RGS6: variants seen among roughly 807,000 people sequenced by gnomAD.
The protein encoded by RGS6 is regulator of G protein signaling 6.
RGS6 carries 30 observed loss-of-function variants against 78.5 expected under a neutral mutation model. The ratio of observed to expected loss-of-function variants is 0.38; its 90% CI spans 0.29 to 0.52. The LOEUF is 0.52. Among genes scored for constraint, RGS6 ranks in the 20% least tolerant of loss-of-function variants. The pLI is 0.85. For synonymous variants in RGS6, 206 were observed against 206.0 expected (o/e 1.00, Z 0.00); for missense variants, 495 against 609.7 (o/e 0.81, Z 1.98).
chr14:72,546,828 C>A (rs1385747304), intron 17 of RGS6, among the ~76,000 whole-genome samples: 1 of 152,238 alleles, frequency 6.6e-6, no homozygotes, highest in Admixed American at 6.5e-5. Flanking sequence ...TCTAGCAAGG[C>A]AGGCTGGGGG....
chr14:72,443,253 G>T (rs189576102), intron 3 of RGS6, among the ~76,000 whole-genome samples: 2 of 152,276 alleles, frequency 1.3e-5, no homozygotes, highest in Non-Finnish European at 2.9e-5. Flanking sequence ...TAGACTCTAG[G>T]GCTGGCCCCA....
At chr14:72,156,728 A>T (rs779289113) in intron 2 of RGS6, among the ~76,000 whole-genome samples, 17 of 152,206 alleles carry the variant, frequency 1.1e-4, no homozygotes, top group Non-Finnish European at 2.2e-4. Context: ...AGGAAGTTGA[A>T]CAAAAAGCTA....
chr14:72,385,862 C>A (rs548098068), intron 3 of RGS6, among the ~76,000 whole-genome samples: 1 of 152,300 alleles, frequency 6.6e-6, no homozygotes, highest in African/African-American at 2.4e-5. Context: ...TAGCCCAAAT[C>A]TAGTTGCAAT....
At chr14:72,044,528 C>A (rs557577189) in intron 2 of RGS6, among the ~76,000 whole-genome samples, 1 of 152,162 alleles carries the variant, frequency 6.6e-6, no homozygotes, top group Non-Finnish European at 1.5e-5. Flanking sequence ...CTCTCTCCCT[C>A]CCTTCTAGAG....
chr14:71,982,634 A>G (rs3784056), intron 2 of RGS6, among the ~76,000 whole-genome samples: 21,405 of 152,080 alleles, frequency 0.14, 1,786 homozygotes, highest in East Asian at 0.21. Flanking sequence ...TTTAAACTCT[A>G]TGACACTGCC....
At chr14:72,016,254 T>C (rs1049874117) in intron 2 of RGS6, among the ~76,000 whole-genome samples, 6 of 152,242 alleles carry the variant, frequency 3.9e-5, no homozygotes, top group African/African-American at 1.2e-4. Flanking sequence ...TCTTTTTCCA[T>C]ATGGATGTCC....
At chr14:72,252,028 A>G (rs2153837532) in intron 2 of RGS6, among the ~76,000 whole-genome samples, 1 of 152,342 alleles carries the variant, frequency 6.6e-6, no homozygotes, top group South Asian at 2.1e-4. Context: ...CATTGGAGTG[A>G]AGACTCTGAA....
At chr14:71,869,711 A>G in the RGS6 span, among the ~76,000 whole-genome samples, 1 of 152,198 alleles carries the variant, frequency 6.6e-6, no homozygotes, top group Non-Finnish European at 1.5e-5. Context: ...TCAAAACTTG[A>G]CACAATATAG....
At chr14:71,977,521 T>A (rs1347417773) in intron 2 of RGS6, among the ~76,000 whole-genome samples, 1 of 149,616 alleles carries the variant, frequency 6.7e-6, no homozygotes, top group African/African-American at 2.5e-5. Context: ...AAATAGGGAA[T>A]CCTTTCTCCA....
intron 3 of RGS6, among the ~76,000 whole-genome samples, chr14:72,410,686 G>A (rs1314754131): frequency 6.6e-6 from 1 of 152,154 alleles, no homozygotes; most frequent in African/African-American, 2.4e-5. Flanking sequence ...TTCTTGTAGG[G>A]TTTTTATGGT....
chr14:72,125,729 A>G (rs567101223), intron 2 of RGS6, among the ~76,000 whole-genome samples: 1 of 152,186 alleles, frequency 6.6e-6, no homozygotes, highest in Non-Finnish European at 1.5e-5. Context: ...GTCAAAATTC[A>G]TGGCTCTTCA....
intron 2 of RGS6, among the ~76,000 whole-genome samples, chr14:72,126,860 C>A (rs2096206427): frequency 6.6e-6 from 1 of 152,152 alleles, no homozygotes; most frequent in South Asian, 2.1e-4. Context: ...CAAAATGGGT[C>A]CCTCACCACC....
intron 2 of RGS6, among the ~76,000 whole-genome samples, chr14:72,140,128 T>C (rs1373010389): frequency 6.6e-6 from 1 of 152,196 alleles, no homozygotes; most frequent in African/African-American, 2.4e-5. Flanking sequence ...CATGCTATGA[T>C]GCTCCCCAGG....
chr14:72,320,655 T>C (rs1307119140), intron 2 of RGS6, among the ~76,000 whole-genome samples: 1 of 151,600 alleles, frequency 6.6e-6, no homozygotes, highest in African/African-American at 2.4e-5. Flanking sequence ...GAAGAAACCA[T>C]GGCAAAAGGA....
intron 2 of RGS6, among the ~76,000 whole-genome samples, chr14:72,088,107 A>G (rs929675491): frequency 2.6e-5 from 4 of 152,182 alleles, no homozygotes; most frequent in African/African-American, 4.8e-5. Context: ...TCTGCATTTG[A>G]GATGAAACTT....
chr14:72,505,038 A>G (rs2096782133), intron 13 of RGS6, among the ~76,000 whole-genome samples: 1 of 150,134 alleles, frequency 6.7e-6, no homozygotes. Flanking sequence ...GGCCTCACAA[A>G]GTGCTGGGAT....
chr14:72,222,805 G>C lies in RGS6; in HGVS notation c.85-129290G>C, dbSNP rs112123623. Among the ~76,000 whole-genome samples the C allele has an allele frequency of 2.8e-3, 426 of 152,344 alleles. 1 individual carries two copies. Among genetic ancestry groups the C allele is most frequent in the Non-Finnish European group, 4.4e-3 (301 of 68,026 alleles). On this transcript the variant is annotated intron_variant, in intron 2 of 17. Transcript: ENST00000553525. ...GGGAAGATAGAAGCTACACTGCTAA[G>C]TGCTAATTTTCTTTACTATGGATGC...
intron 2 of RGS6, among the ~76,000 whole-genome samples, chr14:72,053,980 C>T (rs41366648): frequency 0.14 from 20,925 of 152,106 alleles, 1,674 homozygotes; most frequent in Non-Finnish European, 0.18. Flanking sequence ...GAGATAAGAC[C>T]GAATGGTTGA....
chr14:72,219,295 T>G (rs2046326870), intron 2 of RGS6, among the ~76,000 whole-genome samples: 1 of 152,198 alleles, frequency 6.6e-6, no homozygotes, highest in South Asian at 2.1e-4. Context: ...GGGTTACAAA[T>G]ACATTTGAGA....
Sources: allele counts gnomAD v4.1 joint callset (sites outside exome capture counted in the v4.1 genomes callset), GRCh38; gene constraint gnomAD v4.1.1; transcripts MANE v1.5; gene names NCBI Gene and HGNC (gene_info 2026-07-23, HGNC 2026-07-21).